The following DPYSL2 variants were observed in gnomAD, a reference collection of about 807,000 sequenced individuals.
The protein encoded by DPYSL2 is dihydropyrimidinase like 2, also known as dihydropyrimidinase-related protein 2.
Under a neutral mutation model 69.9 loss-of-function variants are expected in DPYSL2, and 13 were observed. The ratio of observed to expected loss-of-function variants is 0.19; its 90% CI spans 0.12 to 0.30. DPYSL2 has a LOEUF of 0.30. Among genes scored for constraint, DPYSL2 ranks in the 10% least tolerant of loss-of-function variants. The pLI, the probability that DPYSL2 is intolerant of heterozygous loss-of-function variation, is 1.00. For missense variants in DPYSL2, 587 were observed against 918.9 expected, an observed-to-expected ratio of 0.64 and a Z score of 4.67; for synonymous variants, 326 against 359.1, an observed-to-expected ratio of 0.91 and a Z score of 1.04.
At chr8:26,611,132 G>A (rs976131074) in intron 3 of DPYSL2, among the ~76,000 whole-genome samples, 5 of 152,212 alleles carry the variant, frequency 3.3e-5, no homozygotes, top group Admixed American at 2.6e-4. Flanking sequence ...CAGTGGTAGA[G>A]CCAGGATTCT....
intron 1 of DPYSL2, among the ~76,000 whole-genome samples, chr8:26,536,846 G>A (rs1388249920): frequency 6.6e-6 from 1 of 151,796 alleles, no homozygotes; most frequent in Non-Finnish European, 1.5e-5. Flanking sequence ...AAATAATGAA[G>A]GGCAAGATTC....
Position 26,648,764 on chromosome 8 carries a change from G to A in DPYSL2, c.1596+964G>A, listed in dbSNP as rs1011880788. The stretch of plus-strand genomic sequence containing the variant: ...TTCTCCGGGACAACCCTGGGACTTT[G>A]CCCTGTCCCAGTCCTCTCTCATTTG... On this transcript the variant is annotated intron_variant, in intron 11 of 13. Coordinates refer to ENST00000521913, the MANE Select transcript of DPYSL2 (RefSeq NM_001197293.3). The surrounding 1 kb of genome is among the most constrained non-coding windows in gnomAD (Gnocchi z 4.3). 6.6e-6 allele frequency among the ~76,000 whole-genome samples: 1 copy of A among 152,244 alleles called. No homozygotes were observed. Among genetic ancestry groups the A allele is most frequent in the African/African-American group, 2.4e-5 (1 of 41,472 alleles).
intron 11 of DPYSL2, among the ~76,000 whole-genome samples, chr8:26,649,602 G>A (rs542206405): frequency 3.3e-5 from 5 of 152,300 alleles, no homozygotes; most frequent in Non-Finnish European, 5.9e-5. Flanking sequence ...GTGCCTGTTC[G>A]TTCATCTTCT....
chr8:26,616,439 G>C (rs1236579841), intron 3 of DPYSL2, among the ~76,000 whole-genome samples: 2 of 152,174 alleles, frequency 1.3e-5, no homozygotes, highest in Non-Finnish European at 2.9e-5. Flanking sequence ...TGGATGGCTT[G>C]TGTTACTGCC....
At chr8:26,602,601 C>A (rs1411816118) in intron 3 of DPYSL2, among the ~76,000 whole-genome samples, 1 of 152,194 alleles carries the variant, frequency 6.6e-6, no homozygotes, top group Non-Finnish European at 1.5e-5. Context: ...GTTGTGGTTT[C>A]TGCTGCTAAG....
intron 1 of DPYSL2, among the ~76,000 whole-genome samples, chr8:26,535,633 A>ATTTT (rs1408347228): frequency 1.7e-4 from 25 of 149,980 alleles, no homozygotes; most frequent in African/African-American, 6.2e-4. Flanking sequence ...ATATATATAT[A>ATTTT]TATTTTTTTT....
Position 26,627,811 on chromosome 8 carries a change from G to T in DPYSL2, c.937-61G>T. The T allele has an allele frequency of 1.3e-6, 2 of 1,555,962 alleles. No individual in the cohort carries two copies. The highest frequency in any genetic ancestry group is 1.1e-5 in the South Asian group (1 of 87,506). The stretch of plus-strand genomic sequence containing the variant: ...CGGATAACTGCATGCCCGGGCCTCT[G>T]CCATCAGAGCTGTGCAAAATCCACT... On this transcript the variant is annotated intron_variant, in intron 6 of 13. Transcript: ENST00000521913. This position sits in a 1 kb window ranked among gnomAD's most constrained non-coding sequence, Gnocchi z 6.9.
At chr8:26,637,999 T>C (rs1802957750) in intron 8 of DPYSL2, 1 of 152,206 alleles carries the variant, frequency 6.6e-6, no homozygotes, top group African/African-American at 2.4e-5. Flanking sequence ...TCAGAATTGT[T>C]TGTCCACTTC....
Position 26,529,276 on chromosome 8 carries a change from C to CATCTATCTATCT in DPYSL2, c.354+14613_354+14624dup, listed in dbSNP as rs1554531947. Among the ~76,000 whole-genome samples, 266 of 136,356 alleles carry CATCTATCTATCT rather than the reference C, an allele frequency of 2.0e-3. 1 individual carries two copies. The highest frequency in any genetic ancestry group is 7.2e-3 in the African/African-American group (259 of 36,002). The allele number at this position is 136,356 out of a possible 152,430, so 89.5% of individuals were successfully genotyped here. On this transcript the variant is annotated intron_variant, in intron 1 of 13. Transcript: ENST00000521913. ...TCTATCTATCTATCTATCTATCTAT[C>CATCTATCTATCT]ATCTATCTATCTATCTATCTATCTA...
At chr8:26,629,300 A>G (rs1245992845) in intron 7 of DPYSL2, among the ~76,000 whole-genome samples, 1 of 152,082 alleles carries the variant, frequency 6.6e-6, no homozygotes, top group African/African-American at 2.4e-5. Context: ...AGACACAGCC[A>G]TAGACACCTA....
rs1208163309 is a variant in DPYSL2 at position 26,586,443 on chromosome 8, A to G, written c.628+2460A>G. On this transcript the variant is annotated intron_variant, in intron 3 of 13. Transcript: ENST00000521913. This position sits in a 1 kb window ranked among gnomAD's most constrained non-coding sequence, Gnocchi z 4.7. ...GTTTTCTCTCACACTTGCTGGAAAG[A>G]ATCCCTCAGCCCACCATCTCCTGTC... is the stretch of plus-strand genomic sequence containing the variant. Among the ~76,000 whole-genome samples, 1 of 152,128 alleles carries G rather than the reference A, an allele frequency of 6.6e-6. No homozygotes were observed. The highest frequency in any genetic ancestry group is 1.5e-5 in the Non-Finnish European group (1 of 68,018).
chr8:26,519,602 C>T (rs909215541), intron 1 of DPYSL2, among the ~76,000 whole-genome samples: 6 of 151,906 alleles, frequency 3.9e-5, no homozygotes, highest in Non-Finnish European at 8.8e-5. Flanking sequence ...ATAAGGAAAC[C>T]GAGATTTAGT....
At chr8:26,532,709 C>G (rs1800530848) in intron 1 of DPYSL2, among the ~76,000 whole-genome samples, 1 of 152,092 alleles carries the variant, frequency 6.6e-6, no homozygotes, top group Admixed American at 6.6e-5. Flanking sequence ...TACTTTGTTC[C>G]TTTTCGTGGT....
chr8:26,523,252 C>A (rs111923782), intron 1 of DPYSL2, among the ~76,000 whole-genome samples: 2,897 of 151,908 alleles, frequency 0.019, 80 homozygotes, highest in African/African-American at 0.064. Context: ...CAGCAACCAA[C>A]AAGCTGAGTT....
chr8:26,644,088 T>C lies in DPYSL2; in HGVS notation c.1422T>C (p.Ala474=), dbSNP rs778582385. Reference sequence around the variant, plus strand: ...GGATGTCCGTCATCTGGGACAAGGCTGTGGTAAGGAGCGATGGCCTCACTC... The same window carrying C: ...GGATGTCCGTCATCTGGGACAAGGCCGTGGTAAGGAGCGATGGCCTCACTC... ...EERMSVIWDK[A]VVTGKMDENQ... The change falls in exon 10 of 14, where the codon GCT becomes GCC. Residue 474 remains alanine (A), a synonymous_variant. Transcript: ENST00000521913. The surrounding 1 kb of genome is among the most constrained non-coding windows in gnomAD (Gnocchi z 4.5). 6 of 1,613,934 alleles carry C rather than the reference T, an allele frequency of 3.7e-6. No homozygotes were observed. The highest frequency in any genetic ancestry group is 5.1e-6 in the Non-Finnish European group (6 of 1,179,960).
intron 1 of DPYSL2, chr8:26,577,792 C>T (rs1801389340): frequency 4.0e-6 from 4 of 992,294 alleles, no homozygotes; most frequent in Non-Finnish European, 3.6e-6. Context: ...CGCGCTCTCG[C>T]GCCGCGCCCC....
intron 1 of DPYSL2, among the ~76,000 whole-genome samples, chr8:26,561,704 T>C (rs1801073813): frequency 6.6e-6 from 1 of 152,158 alleles, no homozygotes; most frequent in Non-Finnish European, 1.5e-5. Context: ...GATGAAACTG[T>C]CCCACCTCAG....
Position 26,625,751 on chromosome 8 carries a change from C to T in DPYSL2, c.794-866C>T, listed in dbSNP as rs557082380. Among the ~76,000 whole-genome samples the T allele has an allele frequency of 2.0e-5, 3 of 152,314 alleles. No individual in the cohort carries two copies. The East Asian group carries it at 5.8e-4, about 29-fold the overall frequency. ...CACAGTTCTTCATAGGCAGAAACTTCTAATTCATTTTCTTGTTACAGTCGC... is the reference window on the plus strand; with the variant it reads ...CACAGTTCTTCATAGGCAGAAACTTTTAATTCATTTTCTTGTTACAGTCGC... On this transcript the variant is annotated intron_variant, in intron 4 of 13. Coordinates refer to ENST00000521913, the MANE Select transcript of DPYSL2 (RefSeq NM_001197293.3).
chr8:26,629,150 TCTTGCTG>T (rs1192387582), intron 7 of DPYSL2, among the ~76,000 whole-genome samples: 7 of 152,124 alleles, frequency 4.6e-5, no homozygotes, highest in Non-Finnish European at 1.0e-4. Context: ...GTTCTATCCT[TCTTGCTG>T]CATGCATATG....
Sources: allele counts gnomAD v4.1 joint callset (sites outside exome capture counted in the v4.1 genomes callset), GRCh38; gene constraint gnomAD v4.1.1; non-coding constraint Gnocchi (gnomAD v3.1); transcripts MANE v1.5; gene names NCBI Gene and HGNC (gene_info 2026-07-23, HGNC 2026-07-21).